MAML2: variants seen among roughly 807,000 people sequenced by gnomAD.
MAML2 encodes mastermind like transcriptional coactivator 2, also known as mastermind-like protein 2.
MAML2 carries 22 observed loss-of-function variants against 96.1 expected under a neutral mutation model. The observed-to-expected ratio is 0.23, with a 90% confidence interval of 0.16 to 0.33. MAML2 has a LOEUF of 0.33. MAML2 is among the 10% of genes least tolerant of loss of function. MAML2 has a pLI of 1.00. For synonymous variants in MAML2, 561 were observed against 521.3 expected, an observed-to-expected ratio of 1.08 and a Z score of -1.04; for missense variants, 1,367 against 1,392.4, an observed-to-expected ratio of 0.98 and a Z score of 0.29.
At chr11:96,067,895 A>G (rs1277861229) in intron 2 of MAML2, among the ~76,000 whole-genome samples, 1 of 152,206 alleles carries the variant, frequency 6.6e-6, no homozygotes, top group Non-Finnish European at 1.5e-5. Flanking sequence ...TGACCTTTGT[A>G]CAGAATTCTA....
chr11:96,229,335 C>T (rs551172702), intron 1 of MAML2, among the ~76,000 whole-genome samples: 148 of 151,754 alleles, frequency 9.8e-4, no homozygotes, highest in Non-Finnish European at 1.7e-3. Flanking sequence ...AGCAATTATA[C>T]GTAAGAGTGT....
intron 1 of MAML2, among the ~76,000 whole-genome samples, chr11:96,324,019 T>A (rs917640771): frequency 6.6e-6 from 1 of 152,254 alleles, no homozygotes; most frequent in African/African-American, 2.4e-5. Flanking sequence ...ATCTGCAGCT[T>A]AGATTAGCAG....
At chr11:96,317,850 A>G (rs998892100) in intron 1 of MAML2, among the ~76,000 whole-genome samples, 17 of 152,244 alleles carry the variant, frequency 1.1e-4, no homozygotes, top group Non-Finnish European at 1.5e-5. Flanking sequence ...TTTGCAGAGC[A>G]TATTCAACAG....
At chr11:96,072,140 T>C (rs1302377579) in intron 2 of MAML2, among the ~76,000 whole-genome samples, 1 of 152,242 alleles carries the variant, frequency 6.6e-6, no homozygotes, top group Non-Finnish European at 1.5e-5. Flanking sequence ...ATATCTCTAA[T>C]TCCTCTCTGG....
intron 2 of MAML2, among the ~76,000 whole-genome samples, chr11:96,007,174 T>A (rs1364021980): frequency 1.3e-5 from 2 of 151,336 alleles, no homozygotes; most frequent in Non-Finnish European, 2.9e-5. Context: ...AGTTAATTTT[T>A]TTTTTTTTTT....
chr11:96,063,868 T>C (rs2135781218), intron 2 of MAML2, among the ~76,000 whole-genome samples: 1 of 152,370 alleles, frequency 6.6e-6, no homozygotes, highest in East Asian at 1.9e-4. Context: ...TAAATATTCT[T>C]TTTTGCCTGT....
intron 4 of MAML2, among the ~76,000 whole-genome samples, chr11:95,981,094 A>G (rs1006346474): frequency 1.3e-5 from 2 of 152,148 alleles, no homozygotes; most frequent in African/African-American, 2.4e-5. Flanking sequence ...GAGGTGGGAA[A>G]CCTGCTAGCA....
chr11:96,262,920 T>C (rs945968950), intron 1 of MAML2, among the ~76,000 whole-genome samples: 8 of 152,136 alleles, frequency 5.3e-5, no homozygotes, highest in Non-Finnish European at 8.8e-5. Flanking sequence ...ATCAAAGGAG[T>C]CATGTTTACT....
At chr11:96,054,258 T>C (rs558609739) in intron 2 of MAML2, among the ~76,000 whole-genome samples, 57 of 152,340 alleles carry the variant, frequency 3.7e-4, no homozygotes, top group Non-Finnish European at 6.9e-4. Flanking sequence ...TTTAGGGGAA[T>C]GCTGTTTATG....
intron 1 of MAML2, among the ~76,000 whole-genome samples, chr11:96,146,822 G>A (rs574024158): frequency 4.6e-5 from 7 of 152,150 alleles, no homozygotes; most frequent in Non-Finnish European, 1.0e-4. Context: ...AATGCTGTTG[G>A]TTACTTATTT....
chr11:96,196,024 A>T (rs1199380041), intron 1 of MAML2, among the ~76,000 whole-genome samples: 1 of 152,236 alleles, frequency 6.6e-6, no homozygotes, highest in Non-Finnish European at 1.5e-5. Flanking sequence ...TTATCTATAC[A>T]TTTTAAAATG....
chr11:96,094,409 G>A (rs1205965825), intron 1 of MAML2, among the ~76,000 whole-genome samples: 1 of 152,130 alleles, frequency 6.6e-6, no homozygotes, highest in Admixed American at 6.5e-5. Context: ...TCACAGGAAG[G>A]GATGAGATAA....
chr11:96,119,937 T>C lies in MAML2; in HGVS notation c.514-26420A>G, dbSNP rs190780187. On this transcript the variant is annotated intron_variant, in intron 1 of 4. Transcript: ENST00000524717. ...GCCTACAATAGTAGTCTGACAAATA[T>C]ATATTTGCGAGAAGATTCAGATTTT... is the stretch of plus-strand genomic sequence containing the variant. Among the ~76,000 whole-genome samples, 87 of 151,594 alleles carry C rather than the reference T, an allele frequency of 5.7e-4. 2 individuals carry two copies. The East Asian group carries it at 0.016, about 28-fold the overall frequency.
chr11:95,983,004 A>G (rs568874379), intron 4 of MAML2, among the ~76,000 whole-genome samples: 8 of 152,262 alleles, frequency 5.3e-5, no homozygotes, highest in African/African-American at 1.9e-4. Context: ...AAATGTTTTT[A>G]CTATGCTTTC....
chr11:96,302,295 C>T lies in MAML2; in HGVS notation c.513+39088G>A, dbSNP rs141738094. Among the ~76,000 whole-genome samples, 207 of 152,278 alleles carry T rather than the reference C, an allele frequency of 1.4e-3. 2 individuals carry two copies. Among genetic ancestry groups the T allele is most frequent in the Middle Eastern group, 6.8e-3 (2 of 294 alleles). ...GATTAAAATTCATTGATTATAAAGG[C>T]ATAAGAAAGTTTAAATTATAAAGAG... On this transcript the variant is annotated intron_variant, in intron 1 of 4. Coordinates refer to ENST00000524717, the MANE Select transcript of MAML2 (RefSeq NM_032427.4).
intron 1 of MAML2, among the ~76,000 whole-genome samples, chr11:96,283,229 T>C (rs1863095307): frequency 1.3e-5 from 2 of 152,242 alleles, no homozygotes; most frequent in East Asian, 3.8e-4. Context: ...TTGTGCTCTC[T>C]ACAGACCTTG....
chr11:96,010,182 C>T (rs1456891831), intron 2 of MAML2, among the ~76,000 whole-genome samples: 2 of 152,154 alleles, frequency 1.3e-5, no homozygotes, highest in Admixed American at 1.3e-4. Context: ...AGAAAATTTA[C>T]ATTCTATATC....
intron 1 of MAML2, among the ~76,000 whole-genome samples, chr11:96,239,412 G>C (rs1370500725): frequency 6.6e-6 from 1 of 152,192 alleles, no homozygotes; most frequent in East Asian, 1.9e-4. Flanking sequence ...CTGATAGAAA[G>C]CCTATGGCTA....
chr11:96,109,544 A>C (rs1453273518), intron 1 of MAML2, among the ~76,000 whole-genome samples: 1 of 152,208 alleles, frequency 6.6e-6, no homozygotes, highest in Non-Finnish European at 1.5e-5. Context: ...GAAAGAACTT[A>C]GGAACCAGAA....
Sources: gnomAD v4.1 joint callset for allele counts (sites outside exome capture counted in the v4.1 genomes callset) on GRCh38, gnomAD v4.1.1 for gene constraint, MANE v1.5 for transcripts, NCBI Gene and HGNC (gene_info 2026-07-23, HGNC 2026-07-21) for gene names.